The following SETD1A variants were observed in gnomAD, a reference collection of about 807,000 sequenced individuals.
The protein encoded by SETD1A is SET domain containing 1A, histone lysine methyltransferase, also known as histone-lysine N-methyltransferase SETD1A.
In SETD1A, 29 loss-of-function variants were observed where a neutral mutation model predicts 149.9. The ratio of observed to expected loss-of-function variants is 0.19; its 90% confidence interval spans 0.14 to 0.26. SETD1A has a LOEUF of 0.26. SETD1A is among the 10% of genes least tolerant of loss of function. The probability of loss-of-function intolerance (pLI) is 1.00; values close to 1 mark genes in which losing one functional copy is unlikely to be tolerated. For missense variants in SETD1A, 2,109 were observed against 2,353.1 expected (o/e 0.90, Z 2.15); for synonymous variants, 1,141 against 968.5 (o/e 1.18, Z -3.31).
intron 2 of SETD1A, 69 bp downstream of exon 2, chr16:30,958,950 C>T (rs762824997): frequency 6.3e-7 from 1 of 1,577,174 alleles, no homozygotes; most frequent in Non-Finnish European, 8.7e-7. Flanking sequence ...TTCTGTTCAG[C>T]ACCTAGAACG....
rs1299730989 is a variant in SETD1A, at chr16:30,965,958, C to T, written c.2077C>T (p.Leu693=). 6.2e-7 allele frequency: 1 copy of T among 1,604,000 alleles called. No homozygotes were observed. The highest frequency in any genetic ancestry group is 1.1e-5 in the South Asian group (1 of 89,578). ...CCAGATGTTAACTCGGCTCCATCAG[C>T]TGCGGCAGGGCAAGGGATTGATTGC... is the stretch of plus-strand genomic sequence containing the variant. ...QTQMLTRLHQ[L]RQGKGLIAAS... The change falls in exon 8 of 19, where the codon CTG becomes TTG. Residue 693 remains leucine, a synonymous_variant. Transcript: ENST00000262519.
At chr16:30,959,306 C>T (rs2056013580) in intron 3 of SETD1A, 120 bp downstream of exon 3, 1 of 742,178 alleles carries the variant, frequency 1.3e-6, no homozygotes, top group Non-Finnish European at 2.4e-6. Context: ...CTAGCAACCT[C>T]TGAGGCTGTG....
Position 30,979,956 on chromosome 16 carries a change from G to A in SETD1A, c.4170G>A (p.Arg1390=). The A allele has an allele frequency of 1.3e-6, 2 of 1,532,322 alleles. No homozygotes were observed. The highest frequency in any genetic ancestry group is 1.7e-6 in the Non-Finnish European group (2 of 1,143,356). The allele number at this position is 1,532,322 out of a possible 1,614,324, so 94.9% of individuals were successfully genotyped here. ...SSSSDGEGAL[R]RRSLRSHARR... is the part of the protein sequence containing the mutation. Reference sequence around the variant, plus strand: ...GCAGCGATGGGGAGGGCGCCCTCCGGAGGCGCAGCCTCCGCTCCCACGCCC... The same window carrying A: ...GCAGCGATGGGGAGGGCGCCCTCCGAAGGCGCAGCCTCCGCTCCCACGCCC... Residue 1390 remains arginine (R), a synonymous_variant, in exon 14 of 19, where the codon CGG becomes CGA. Transcript: ENST00000262519.
rs1035000088 is a variant in SETD1A, at chr16:30,967,545, A to G, written c.2727A>G (p.Glu909=). The part of the protein sequence containing the change: ...EPSEISEASE[E]KRPRPSTPAE... Reference sequence around the variant, plus strand: ...CGGAAATTTCCGAGGCCAGTGAGGAAAAGAGGCCTCGTCCCTCCACTCCTG... The same window carrying G: ...CGGAAATTTCCGAGGCCAGTGAGGAGAAGAGGCCTCGTCCCTCCACTCCTG... Residue 909 remains glutamate, a synonymous_variant, in exon 10 of 19, where the codon GAA becomes GAG. Coordinates refer to ENST00000262519, the MANE Select transcript of SETD1A (RefSeq NM_014712.3). The G allele has an allele frequency of 1.1e-5, 18 of 1,613,778 alleles. No individual in the cohort carries two copies. The highest frequency in any genetic ancestry group is 2.7e-5 in the African/African-American group (2 of 74,918).
At chr16:30,968,574 G>A (rs896206952) in intron 10 of SETD1A, among the ~76,000 whole-genome samples, 15 of 151,722 alleles carry the variant, frequency 9.9e-5, no homozygotes, top group African/African-American at 2.7e-4. Flanking sequence ...AGGCCGAGGC[G>A]GGTGGATCAC....
At position 30,980,953 on chromosome 16, in the gene SETD1A, T is replaced by G; in HGVS notation, c.4692+104T>G. 6.4e-7 allele frequency: 1 copy of G among 1,572,966 alleles called. No homozygotes were observed. The highest frequency in any genetic ancestry group is 1.2e-5 in the South Asian group (1 of 85,928). On this transcript the variant is annotated intron_variant, in intron 16 of 18. Transcript: ENST00000262519. The surrounding 1 kb of genome is among the most constrained non-coding windows in gnomAD (Gnocchi z 7.7). ...GCTCCTGTGGTTCCCTCGGGTGGAGTTGGGGGGTAAGCAGCCAGAACACCC... is the reference window on the plus strand; with the variant it reads ...GCTCCTGTGGTTCCCTCGGGTGGAGGTGGGGGGTAAGCAGCCAGAACACCC...
intron 17 of SETD1A, among the ~76,000 whole-genome samples, chr16:30,982,785 C>G (rs1244590308): frequency 6.6e-6 from 1 of 151,970 alleles, no homozygotes; most frequent in East Asian, 1.9e-4. Flanking sequence ...GCAGAGGTGA[C>G]AGAGAGGAGG....
chr16:30,959,066 T>A (rs762452528), intron 2 of SETD1A, 25 bp from the exon 3 acceptor site: 4 of 1,570,588 alleles, frequency 2.5e-6, no homozygotes, highest in Non-Finnish European at 3.5e-6. Flanking sequence ...CTGAGCTCTC[T>A]TTCTGCTGCT....
intron 3 of SETD1A, among the ~76,000 whole-genome samples, chr16:30,960,650 T>C (rs1319469319): frequency 6.6e-6 from 1 of 152,112 alleles, no homozygotes; most frequent in African/African-American, 2.4e-5. Context: ...TAGTAAAGGC[T>C]GAGCTAGGAA....
chr16:30,967,467 T>G (rs765590140), intron 9 of SETD1A, 34 bp from the exon 10 acceptor site: 2 of 1,600,422 alleles, frequency 1.2e-6, no homozygotes, highest in Non-Finnish European at 8.6e-7. Flanking sequence ...GTGTTTGAGC[T>G]CTAAACAGGC....
chr16:30,978,291 AG>A (rs1338864832), intron 13 of SETD1A, among the ~76,000 whole-genome samples: 5 of 150,854 alleles, frequency 3.3e-5, no homozygotes, highest in African/African-American at 4.9e-5. Flanking sequence ...AAAAAAAAAA[AG>A]ATAGGAACCT....
chr16:30,966,127 A>G lies in SETD1A; in HGVS notation c.2246A>G (p.His749Arg). The change falls in exon 8 of 19, where the codon CAC becomes CGC. Residue 749 changes from histidine to arginine, a missense_variant. By Grantham distance (29) the His-to-Arg change is conservative (BLOSUM62 0). Transcript: ENST00000262519. The stretch of plus-strand genomic sequence containing the variant: ...GGGGCATACTCACGGGAGGCCTACC[A>G]CCTGCCCATGCCAATGGCAGCCGAG... ...GRGAYSREAYHLPMPMAAEPL... is the reference protein window; with the variant it reads ...GRGAYSREAYRLPMPMAAEPL... 2 of 1,602,410 alleles carry G rather than the reference A, an allele frequency of 1.2e-6. No homozygotes were observed. The highest frequency in any genetic ancestry group is 2.7e-5 in the African/African-American group (2 of 74,818).
chr16:30,965,133 C>T lies in SETD1A; in HGVS notation c.1391C>T (p.Ser464Phe). ...GTTCGGACTTCCCCCCGCCCAGCCTCCCCTGCCCGCTCTGGCTCCCCAGCC... is the reference window on the plus strand; with the variant it reads ...GTTCGGACTTCCCCCCGCCCAGCCTTCCCTGCCCGCTCTGGCTCCCCAGCC... ...EEVRTSPRPA[S>F]PARSGSPAPE... The change falls in exon 7 of 19, where the codon TCC becomes TTC. Residue 464 changes from serine to phenylalanine, a missense_variant. Ser to Phe is a radical substitution (Grantham distance 155). This residue lies in a region of SETD1A where 410 missense variants were observed against 394.8 expected (regional missense o/e 1.04). Coordinates refer to ENST00000262519, the MANE Select transcript of SETD1A (RefSeq NM_014712.3). 6.2e-7 allele frequency: 1 copy of T among 1,612,760 alleles called. No homozygotes were observed. The highest frequency in any genetic ancestry group is 8.5e-7 in the Non-Finnish European group (1 of 1,179,906).
chr16:30,983,249 A>G lies in SETD1A; in HGVS notation c.4813-386A>G, dbSNP rs2056404293. ...AGGTGCCTGTTTTGGAGAGAGGTCC[A>G]GGGAGGAGAGATGAGCAGGGTGCCG... On this transcript the variant is annotated intron_variant, in intron 17 of 18. Coordinates refer to ENST00000262519, the MANE Select transcript of SETD1A (RefSeq NM_014712.3). This position sits in a 1 kb window ranked among gnomAD's most constrained non-coding sequence, Gnocchi z 6.8. 6.6e-6 allele frequency among the ~76,000 whole-genome samples: 1 copy of G among 152,180 alleles called. No homozygotes were observed. The highest frequency in any genetic ancestry group is 1.5e-5 in the Non-Finnish European group (1 of 68,022).
In SETD1A at chr16:30,984,091, CCA is replaced by C. The variant is rs1965666946; in HGVS notation, c.*69_*70del. 1 of 1,467,428 alleles carries C rather than the reference CCA, an allele frequency of 6.8e-7. No individual in the cohort carries two copies. The highest frequency in any genetic ancestry group is 1.4e-5 in the African/African-American group (1 of 71,796). The allele number at this position is 1,467,428 out of a possible 1,614,324, so 90.9% of individuals were successfully genotyped here. A position where few individuals can be genotyped will look rare whatever the true frequency, so the allele number is the denominator to read the frequency against. ...GGTGCCCTGAGCTCCCAGCACCCCC[CCA>C]GCCTTAGTGGGCTCAGCAGGGCCCA... On this transcript the variant is annotated 3_prime_UTR_variant, in exon 19 of 19. Coordinates refer to ENST00000262519, the MANE Select transcript of SETD1A (RefSeq NM_014712.3).
Position 30,957,759 on chromosome 16 carries a change from G to A in SETD1A, c.-221G>A, listed in dbSNP as rs1002579442. On this transcript the variant is annotated 5_prime_UTR_variant, in exon 1 of 19. Coordinates refer to ENST00000262519, the MANE Select transcript of SETD1A (RefSeq NM_014712.3). ...GCTTTCGTCGCCGCCGATTCGTCAAGGTCCCGGGCCGCAGCATCTAGATCG... is the reference window on the plus strand; with the variant it reads ...GCTTTCGTCGCCGCCGATTCGTCAAAGTCCCGGGCCGCAGCATCTAGATCG... 2 of 152,212 alleles carry A rather than the reference G, an allele frequency of 1.3e-5. No individual in the cohort carries two copies. Among genetic ancestry groups the A allele is most frequent in the Non-Finnish European group, 2.9e-5 (2 of 68,034 alleles). 9.4% of individuals were successfully genotyped at this position (152,212 alleles called of 1,614,324 possible).
Position 30,966,018 on chromosome 16 carries a change from G to A in SETD1A, c.2137G>A (p.Glu713Lys), listed in dbSNP as rs201027813. ...TGGCCCCCCCGGTGGGGCCTTTGGGGAGGCCTTCCTCCCGTTTCCACCCCC... is the reference window on the plus strand; with the variant it reads ...TGGCCCCCCCGGTGGGGCCTTTGGGAAGGCCTTCCTCCCGTTTCCACCCCC... Reference protein sequence around the residue: ...SAGPPGGAFGEAFLPFPPPQE... With the variant: ...SAGPPGGAFGKAFLPFPPPQE... Residue 713 changes from glutamate (E) to lysine (K), a missense_variant, in exon 8 of 19, where the codon GAG becomes AAG. By Grantham distance (56) the Glu-to-Lys change is moderately conservative. Around this residue, in one of 8 missense-constraint regions of SETD1A, gnomAD observed 431 missense variants for 388.6 expected, o/e 1.11. Transcript: ENST00000262519. The A allele has an allele frequency of 1.9e-6, 3 of 1,568,630 alleles. No homozygotes were observed. The highest frequency in any genetic ancestry group is 2.2e-5 in the East Asian group (1 of 44,474).
At chr16:30,973,862 G>A (rs1163486371) in intron 13 of SETD1A, among the ~76,000 whole-genome samples, 1 of 152,134 alleles carries the variant, frequency 6.6e-6, no homozygotes, top group Non-Finnish European at 1.5e-5. Flanking sequence ...GGCCCATTGG[G>A]TAGCAGAAGG....
chr16:30,966,757 A>G, intron 8 of SETD1A, 127 bp from the exon 9 acceptor site: 2 of 1,082,054 alleles, frequency 1.8e-6, no homozygotes, highest in South Asian at 3.4e-5. Context: ...GGGCTGGGAC[A>G]GGTGTGACCA....
Sources: allele counts gnomAD v4.1 joint callset (sites outside exome capture counted in the v4.1 genomes callset), GRCh38; gene constraint gnomAD v4.1.1; regional missense constraint gnomAD v4.1.1; non-coding constraint Gnocchi (gnomAD v3.1); transcripts MANE v1.5; gene names NCBI Gene and HGNC (gene_info 2026-07-23, HGNC 2026-07-21).